GRID2: variants seen among roughly 807,000 people sequenced by gnomAD.
GRID2 encodes glutamate ionotropic receptor delta type subunit 2, also known as glutamate receptor ionotropic, delta-2.
GRID2 carries 33 observed loss-of-function variants against 114.8 expected under a neutral mutation model. That is an observed-to-expected ratio of 0.29 (90% CI 0.22 to 0.38). GRID2 has a LOEUF of 0.38. Among genes scored for constraint, GRID2 ranks in the 10% least tolerant of loss-of-function variants. The probability of loss-of-function intolerance (pLI) is 1.00; values close to 1 mark genes in which losing one functional copy is unlikely to be tolerated. For missense variants in GRID2, 1,184 were observed against 1,257.7 expected (o/e 0.94, Z 0.89); for synonymous variants, 505 against 449.9 (o/e 1.12, Z -1.55).
chr4:92,498,707 A>G (rs573830008), intron 1 of GRID2, among the ~76,000 whole-genome samples: 1 of 151,904 alleles, frequency 6.6e-6, no homozygotes, highest in African/African-American at 2.4e-5. Context: ...CATCTGTGAG[A>G]CTATTGTATA....
chr4:93,213,668 A>G (rs1330355770), intron 5 of GRID2, among the ~76,000 whole-genome samples: 1 of 152,180 alleles, frequency 6.6e-6, no homozygotes, highest in Non-Finnish European at 1.5e-5. Flanking sequence ...TTTTCTTCCC[A>G]CAATCTTATT....
intron 8 of GRID2, among the ~76,000 whole-genome samples, chr4:93,281,274 G>A (rs1293325559): frequency 6.6e-6 from 1 of 151,712 alleles, no homozygotes; most frequent in Non-Finnish European, 1.5e-5. Flanking sequence ...ATACTTGACA[G>A]GTATAGGAAA....
At chr4:92,599,246 T>A (rs542053816) in intron 2 of GRID2, among the ~76,000 whole-genome samples, 1 of 152,224 alleles carries the variant, frequency 6.6e-6, no homozygotes, top group African/African-American at 2.4e-5. Context: ...AAATTAAAGC[T>A]TTCTGATGAT....
chr4:93,306,903 T>C (rs1225777588), intron 8 of GRID2, among the ~76,000 whole-genome samples: 1 of 152,142 alleles, frequency 6.6e-6, no homozygotes, highest in Admixed American at 6.5e-5. Flanking sequence ...TTTTTAGAAA[T>C]AACCTACTGT....
At chr4:93,021,063 T>A (rs28507231) in intron 2 of GRID2, among the ~76,000 whole-genome samples, 4 of 151,688 alleles carry the variant, frequency 2.6e-5, no homozygotes, top group Admixed American at 1.3e-4. Flanking sequence ...AAAAATATTT[T>A]AAAAATCAGT....
intron 1 of GRID2, among the ~76,000 whole-genome samples, chr4:93,803,412 T>A (rs1297670186): frequency 6.6e-6 from 1 of 152,004 alleles, no homozygotes; most frequent in Non-Finnish European, 1.5e-5. Flanking sequence ...TGGTCCAAGT[T>A]TTTTCTCCCT....
chr4:93,704,272 C>T, intron 14 of GRID2, among the ~76,000 whole-genome samples: 1 of 152,058 alleles, frequency 6.6e-6, no homozygotes, highest in Non-Finnish European at 1.5e-5. Flanking sequence ...TTTCATGTGT[C>T]TTTTGGCTGC....
At chr4:92,486,892 G>A (rs1418718302) in intron 1 of GRID2, among the ~76,000 whole-genome samples, 1 of 151,870 alleles carries the variant, frequency 6.6e-6, no homozygotes, top group Admixed American at 6.6e-5. Flanking sequence ...CAGAGATATG[G>A]ATATACAGTA....
At chr4:92,398,951 C>T (rs554710174) in intron 1 of GRID2, among the ~76,000 whole-genome samples, 4 of 152,188 alleles carry the variant, frequency 2.6e-5, no homozygotes, top group East Asian at 3.9e-4. Context: ...TCATAAAGTC[C>T]GTAACAACTC....
chr4:92,655,205 T>C (rs1295260992), intron 2 of GRID2, among the ~76,000 whole-genome samples: 2 of 151,942 alleles, frequency 1.3e-5, no homozygotes, highest in African/African-American at 2.4e-5. Flanking sequence ...GGCGTAAATA[T>C]GTGGGTTTAT....
chr4:93,264,971 C>T (rs560115941), intron 8 of GRID2, among the ~76,000 whole-genome samples: 185 of 151,398 alleles, frequency 1.2e-3, no homozygotes, highest in African/African-American at 3.6e-3. Flanking sequence ...TTAGTAGAGA[C>T]GGGGTTTCAC....
At chr4:93,604,696 C>T (rs1484642610) in intron 13 of GRID2, among the ~76,000 whole-genome samples, 1 of 152,180 alleles carries the variant, frequency 6.6e-6, no homozygotes, top group Non-Finnish European at 1.5e-5. Flanking sequence ...CTGCCACAGA[C>T]ACTCCAAGCT....
At chr4:93,159,911 A>G (rs1414850874) in intron 4 of GRID2, among the ~76,000 whole-genome samples, 1 of 151,732 alleles carries the variant, frequency 6.6e-6, no homozygotes, top group Non-Finnish European at 1.5e-5. Flanking sequence ...TTCTGTAGCT[A>G]TTTTATTTTT....
intron 1 of GRID2, among the ~76,000 whole-genome samples, chr4:92,416,939 AATT>A (rs1006055104): frequency 2.6e-5 from 4 of 151,796 alleles, no homozygotes; most frequent in African/African-American, 9.7e-5. Flanking sequence ...TTTTCTGAGG[AATT>A]ATTATTGTAT....
At chr4:93,354,832 A>AAT (rs986144520) in intron 8 of GRID2, among the ~76,000 whole-genome samples, 2 of 134,388 alleles carry the variant, frequency 1.5e-5, no homozygotes, top group Admixed American at 7.4e-5. Context: ...ATATATATAT[A>AAT]ATATATATAA....
intron 13 of GRID2, among the ~76,000 whole-genome samples, chr4:93,615,567 A>C (rs962426094): frequency 6.6e-6 from 1 of 152,014 alleles, no homozygotes; most frequent in Non-Finnish European, 1.5e-5. Flanking sequence ...TGTCTTCCAC[A>C]ATGGTTGAAC....
chr4:93,373,529 A>G, intron 8 of GRID2, among the ~76,000 whole-genome samples: 1 of 152,116 alleles, frequency 6.6e-6, no homozygotes, highest in East Asian at 1.9e-4. Flanking sequence ...CAAGAATCAT[A>G]TTTTATATAT....
At position 92,982,938 on chromosome 4, in the gene GRID2, C is replaced by T. The variant is rs116332506; in HGVS notation, c.245-102057C>T. Among the ~76,000 whole-genome samples, 803 of 152,080 alleles carry T rather than the reference C, an allele frequency of 5.3e-3. 8 individuals are homozygous for T. The highest frequency in any genetic ancestry group is 0.018 in the African/African-American group (768 of 41,520). On this transcript the variant is annotated intron_variant, in intron 2 of 15. Coordinates refer to ENST00000282020, the MANE Select transcript of GRID2 (RefSeq NM_001510.4). Reference sequence around the variant, plus strand: ...ACTATATATCCTATTCTGAAGACCTCCAAGTAGAGAGGAAGCATGTATTAT... The same window carrying T: ...ACTATATATCCTATTCTGAAGACCTTCAAGTAGAGAGGAAGCATGTATTAT...
At chr4:92,896,426 G>A (rs886169463) in intron 2 of GRID2, among the ~76,000 whole-genome samples, 7 of 151,984 alleles carry the variant, frequency 4.6e-5, no homozygotes, top group Admixed American at 1.3e-4. Context: ...ACTTTATCTC[G>A]AAAAATAAAA....
Sources: allele counts gnomAD v4.1 joint callset (sites outside exome capture counted in the v4.1 genomes callset), GRCh38; gene constraint gnomAD v4.1.1; transcripts MANE v1.5; gene names NCBI Gene and HGNC (gene_info 2026-07-23, HGNC 2026-07-21).